SLC25A46: variants seen among roughly 807,000 people sequenced by gnomAD.
SLC25A46 encodes the protein solute carrier family 25 member 46.
Under a neutral mutation model 44.6 loss-of-function variants are expected in SLC25A46, and 39 were observed. The observed-to-expected ratio is 0.87, with a 90% confidence interval of 0.68 to 1.14. SLC25A46 has a LOEUF of 1.14. Among genes scored for constraint, SLC25A46 ranks in the 50% most tolerant of loss-of-function variants. The pLI is 0.00. For synonymous variants in SLC25A46, 202 were observed against 185.8 expected (o/e 1.09, Z -0.71); for missense variants, 547 against 522.7 (o/e 1.05, Z -0.45).
chr5:110,740,242 A>C (rs1580852848), intron 1 of SLC25A46, among the ~76,000 whole-genome samples: 1 of 152,308 alleles, frequency 6.6e-6, no homozygotes, highest in East Asian at 1.9e-4. Context: ...GAATTGTTAG[A>C]ATAATAGATT....
At chr5:110,740,637 T>G (rs954615698) in intron 1 of SLC25A46, among the ~76,000 whole-genome samples, 1 of 152,078 alleles carries the variant, frequency 6.6e-6, no homozygotes, top group Non-Finnish European at 1.5e-5. Context: ...TCTGTTGCTA[T>G]TTGGGGATGA....
rs1334429770 is a variant in SLC25A46 at position 110,739,034 on chromosome 5, C to T, written c.-86C>T. ...AATTTACCCCTGACGCGGCGGCGGCCGACGGGAAGCTGTGTGTGCTTAGGT... is the reference window on the plus strand; with the variant it reads ...AATTTACCCCTGACGCGGCGGCGGCTGACGGGAAGCTGTGTGTGCTTAGGT... On this transcript the variant is annotated 5_prime_UTR_variant, in exon 1 of 8. Coordinates refer to ENST00000355943, the MANE Select transcript of SLC25A46 (RefSeq NM_138773.4). The T allele has an allele frequency of 4.7e-6, 7 of 1,478,964 alleles. No individual in the cohort carries two copies. The highest frequency in any genetic ancestry group is 6.2e-6 in the Non-Finnish European group (7 of 1,124,814). 91.6% of individuals were successfully genotyped at this position (1,478,964 alleles called of 1,614,324 possible). A position where few individuals can be genotyped will look rare whatever the true frequency, so the allele number is the denominator to read the frequency against.
Position 110,745,082 on chromosome 5 carries a change from T to C in SLC25A46, c.385-1187T>C, listed in dbSNP as rs536315010. 5.9e-5 allele frequency among the ~76,000 whole-genome samples: 9 copies of C among 152,236 alleles called. No homozygotes were observed. In the South Asian group the frequency reaches 1.9e-3, roughly 32 times the overall value. ...CAATTTGTGCTAATGAGCTGGGAGT[T>C]TTACCTACCATTGCTTTTGTACCAT... On this transcript the variant is annotated intron_variant, in intron 3 of 7. Coordinates refer to ENST00000355943, the MANE Select transcript of SLC25A46 (RefSeq NM_138773.4).
chr5:110,753,792 A>T (rs1800032826), intron 5 of SLC25A46: 2 of 152,086 alleles, frequency 1.3e-5, no homozygotes, highest in African/African-American at 4.8e-5. Flanking sequence ...CAGAATTGAC[A>T]TTGTATTTAA....
intron 1 of SLC25A46, among the ~76,000 whole-genome samples, chr5:110,740,899 C>A (rs946180425): frequency 6.6e-6 from 1 of 152,192 alleles, no homozygotes; most frequent in Non-Finnish European, 1.5e-5. Flanking sequence ...TTGCAGTGAG[C>A]CGAGATCGCG....
rs1800352229 is a variant in SLC25A46 at position 110,764,912 on chromosome 5, ATC to A, written c.*3134_*3135del. On this transcript the variant is annotated 3_prime_UTR_variant, in exon 8 of 8. Coordinates refer to ENST00000355943, the MANE Select transcript of SLC25A46 (RefSeq NM_138773.4). The stretch of plus-strand genomic sequence containing the variant: ...TTTCTCTTTCAAGTAGTTGTAAATA[ATC>A]TCTTTTTCTCATATAAACGGAATGC... The A allele has an allele frequency of 1.3e-5, 2 of 152,022 alleles. No homozygotes were observed. Among genetic ancestry groups the A allele is most frequent in the South Asian group, 2.1e-4 (1 of 4,830 alleles). The allele number at this position is 152,022 out of a possible 1,614,324, so 9.4% of individuals were successfully genotyped here.
chr5:110,740,774 A>AC (rs1343953385), intron 1 of SLC25A46, among the ~76,000 whole-genome samples: 3 of 151,526 alleles, frequency 2.0e-5, no homozygotes, highest in African/African-American at 7.3e-5. Context: ...ACACGATGAA[A>AC]CCCCGTCTCC....
At position 110,761,161 on chromosome 5, in the gene SLC25A46, A is replaced by G. The variant is rs1455657371; in HGVS notation, c.679-43A>G. The G allele has an allele frequency of 6.8e-7, 1 of 1,474,032 alleles. No homozygotes were observed. The highest frequency in any genetic ancestry group is 2.1e-5 in the Admixed American group (1 of 48,280). The allele number at this position is 1,474,032 out of a possible 1,614,324, so 91.3% of individuals were successfully genotyped here. ...AAGAGTCCTTTTTCTGTGGCAAAAT[A>G]AGCAAATGTTAAGTTTTACTTATTT... On this transcript the variant is annotated intron_variant, in intron 7 of 7. Transcript: ENST00000355943. This position sits in a 1 kb window ranked among gnomAD's most constrained non-coding sequence, Gnocchi z 5.3.
Position 110,764,504 on chromosome 5 carries a change from A to G in SLC25A46, c.*2722A>G, listed in dbSNP as rs1487631414. 6.6e-6 allele frequency: 1 copy of G among 151,932 alleles called. No individual in the cohort carries two copies. Among genetic ancestry groups the G allele is most frequent in the Admixed American group, 6.6e-5 (1 of 15,200 alleles). The allele number at this position is 151,932 out of a possible 1,614,324, so 9.4% of individuals were successfully genotyped here. ...CCTTAGCTGGTGTTTTCAGAAGCAT[A>G]CAGAACTGGAAAGGTAAGAACTTGC... On this transcript the variant is annotated 3_prime_UTR_variant, in exon 8 of 8. Transcript: ENST00000355943.
rs145703675 is a variant in SLC25A46 at position 110,743,044 on chromosome 5, T to G, written c.327-686T>G. 7.4e-3 allele frequency among the ~76,000 whole-genome samples: 1,119 copies of G among 152,222 alleles called. 13 individuals are homozygous for G. Among genetic ancestry groups the G allele is most frequent in the African/African-American group, 0.025 (1,045 of 41,582 alleles). Reference sequence around the variant, plus strand: ...TTTCCATTCTGCTGGAGTTGTTTTTTGCTTCAATATTTATACTTAAAGCTT... The same window carrying G: ...TTTCCATTCTGCTGGAGTTGTTTTTGGCTTCAATATTTATACTTAAAGCTT... On this transcript the variant is annotated intron_variant, in intron 2 of 7. Transcript: ENST00000355943.
chr5:110,738,171 AGGAT>A, upstream of SLC25A46: 1 of 1,250,774 alleles, frequency 8.0e-7, no homozygotes, highest in South Asian at 1.3e-5. Context: ...GAAGGAACAT[AGGAT>A]GAAACCATGG....
intron 7 of SLC25A46, among the ~76,000 whole-genome samples, chr5:110,759,632 A>G (rs1432837358): frequency 1.3e-5 from 2 of 152,146 alleles, no homozygotes; most frequent in Non-Finnish European, 2.9e-5. Context: ...ATGAGGCCTG[A>G]GTGGTAAGAG....
chr5:110,754,064 C>T (rs1800040486), intron 5 of SLC25A46: 1 of 152,176 alleles, frequency 6.6e-6, no homozygotes, highest in African/African-American at 2.4e-5. Context: ...AATAAATATC[C>T]TAATAGTAAT....
chr5:110,759,610 G>A (rs1287855400), intron 7 of SLC25A46, among the ~76,000 whole-genome samples: 1 of 152,112 alleles, frequency 6.6e-6, no homozygotes, highest in African/African-American at 2.4e-5. Context: ...AAGCAAGGGG[G>A]GAATACAGGA....
rs149585060 is a variant in SLC25A46, at chr5:110,761,267, A to C, written c.742A>C (p.Ile248Leu). 3.4e-4 allele frequency: 546 copies of C among 1,613,634 alleles called. 3 individuals are homozygous for C. The African/African-American group carries it at 6.2e-3, about 18-fold the overall frequency. The change falls in exon 8 of 8, where the codon ATA becomes CTA. Residue 248 changes from isoleucine (I) to leucine (L), a missense_variant. By Grantham distance (5) the Ile-to-Leu change is conservative (BLOSUM62 2). Coordinates refer to ENST00000355943, the MANE Select transcript of SLC25A46 (RefSeq NM_138773.4). The surrounding 1 kb of genome is among the most constrained non-coding windows in gnomAD (Gnocchi z 5.3). ...TGTTAAAGAAGGAATTGGAAGAGTG[A>C]TAGGCATGGGAGTGCCTCATAGCAA... ...ECVKEGIGRV[I>L]GMGVPHSKRL...
At chr5:110,751,973 C>T (rs1223085697) in intron 5 of SLC25A46, among the ~76,000 whole-genome samples, 1 of 152,050 alleles carries the variant, frequency 6.6e-6, no homozygotes, top group Non-Finnish European at 1.5e-5. Context: ...GGGAAGAAGG[C>T]AGAGTTTGTT....
chr5:110,756,608 T>C (rs1800119207), intron 6 of SLC25A46, 94 bp from the exon 7 acceptor site: 3 of 775,060 alleles, frequency 3.9e-6, no homozygotes, highest in African/African-American at 3.7e-5. Flanking sequence ...CTAGCTTGAC[T>C]ATAAATTATG....
intron 5 of SLC25A46, among the ~76,000 whole-genome samples, chr5:110,750,528 G>T (rs1799940185): frequency 6.6e-6 from 1 of 152,066 alleles, no homozygotes; most frequent in Admixed American, 6.6e-5. Context: ...TTTATAAAAT[G>T]GTGTTGTATT....
At position 110,761,883 on chromosome 5, in the gene SLC25A46, T is replaced by C; in HGVS notation, c.*101T>C. 1 of 1,026,810 alleles carries C rather than the reference T, an allele frequency of 9.7e-7. No individual in the cohort carries two copies. Among genetic ancestry groups the C allele is most frequent in the South Asian group, 1.7e-5 (1 of 58,962 alleles). The allele number at this position is 1,026,810 out of a possible 1,614,324, so 63.6% of individuals were successfully genotyped here. A position where few individuals can be genotyped will look rare whatever the true frequency, so the allele number is the denominator to read the frequency against. The stretch of plus-strand genomic sequence containing the variant: ...TGAAATACTGGGGAAGAAAATGGAT[T>C]GGAAAGTAAAATTGGTACTAAAGCC... On this transcript the variant is annotated 3_prime_UTR_variant, in exon 8 of 8. Transcript: ENST00000355943. The surrounding 1 kb of genome is among the most constrained non-coding windows in gnomAD (Gnocchi z 5.3).
Sources: allele counts gnomAD v4.1 joint callset (sites outside exome capture counted in the v4.1 genomes callset), GRCh38; gene constraint gnomAD v4.1.1; non-coding constraint Gnocchi (gnomAD v3.1); transcripts MANE v1.5; gene names NCBI Gene and HGNC (gene_info 2026-07-23, HGNC 2026-07-21).